The following CDH12 variants were observed in gnomAD, a reference collection of about 807,000 sequenced individuals.
CDH12 encodes cadherin-12.
In CDH12, 41 loss-of-function variants were observed where a neutral mutation model predicts 74.1. The ratio of observed to expected loss-of-function variants is 0.55; its 90% confidence interval spans 0.43 to 0.72. The LOEUF is 0.72. CDH12 is among the 30% of genes least tolerant of loss of function. The pLI is 0.00. For missense variants in CDH12, 945 were observed against 977.2 expected (o/e 0.97, Z 0.44); for synonymous variants, 399 against 355.0 (o/e 1.12, Z -1.39).
At chr5:21,949,449 C>CA (rs201292632) in intron 6 of CDH12, among the ~76,000 whole-genome samples, 7,660 of 83,432 alleles carry the variant, frequency 0.092, 298 homozygotes, top group Admixed American at 0.18. Flanking sequence ...GACTCTGTCT[C>CA]AAAAAAAAAA....
intron 3 of CDH12, among the ~76,000 whole-genome samples, chr5:22,229,627 C>T (rs1752316405): frequency 6.6e-6 from 1 of 152,064 alleles, no homozygotes; most frequent in Non-Finnish European, 1.5e-5. Flanking sequence ...TTCCCCTTAA[C>T]CTGTAAACTT....
chr5:22,409,400 A>G (rs557106363), intron 2 of CDH12, among the ~76,000 whole-genome samples: 180 of 152,076 alleles, frequency 1.2e-3, no homozygotes, highest in South Asian at 4.6e-3. Flanking sequence ...AGAGAAAGAT[A>G]CCCCATATTT....
chr5:22,723,953 C>G (rs1580928781), intron 1 of CDH12, among the ~76,000 whole-genome samples: 1 of 151,874 alleles, frequency 6.6e-6, no homozygotes, highest in Admixed American at 6.6e-5. Flanking sequence ...CTGCTGTCCT[C>G]TTAATTCTCT....
intron 4 of CDH12, among the ~76,000 whole-genome samples, chr5:22,153,413 C>A (rs1009255405): frequency 2.6e-5 from 4 of 151,866 alleles, no homozygotes; most frequent in African/African-American, 7.2e-5. Context: ...AGGGTCTTAA[C>A]CACATTGCTT....
chr5:22,660,706 C>T (rs538607114), intron 1 of CDH12, among the ~76,000 whole-genome samples: 1 of 152,302 alleles, frequency 6.6e-6, no homozygotes, highest in East Asian at 1.9e-4. Flanking sequence ...GCATGAGCCA[C>T]TGCCTGGCCC....
chr5:22,115,375 T>A (rs1745028109), intron 4 of CDH12, among the ~76,000 whole-genome samples: 1 of 152,180 alleles, frequency 6.6e-6, no homozygotes, highest in African/African-American at 2.4e-5. Context: ...AACACATATT[T>A]TATACTCAGC....
At chr5:22,514,527 A>G (rs115714919) in intron 1 of CDH12, among the ~76,000 whole-genome samples, 97 of 152,206 alleles carry the variant, frequency 6.4e-4, no homozygotes, top group African/African-American at 2.3e-3. Context: ...AAAAAAAAGT[A>G]TCTCCTAAAT....
chr5:22,133,193 T>C (rs1746271337), intron 4 of CDH12, among the ~76,000 whole-genome samples: 1 of 152,146 alleles, frequency 6.6e-6, no homozygotes, highest in African/African-American at 2.4e-5. Flanking sequence ...TGTTATTTAA[T>C]ATTTCTAGAG....
chr5:22,555,113 C>A (rs10941963), intron 1 of CDH12, among the ~76,000 whole-genome samples: 24,284 of 151,970 alleles, frequency 0.16, 2,512 homozygotes, highest in East Asian at 0.37. Flanking sequence ...CTTCTGAACG[C>A]ATAATATCAT....
intron 1 of CDH12, among the ~76,000 whole-genome samples, chr5:22,609,980 T>G (rs1240034642): frequency 1.3e-5 from 2 of 152,264 alleles, no homozygotes; most frequent in Admixed American, 1.3e-4. Context: ...GTTCCACCTG[T>G]GTTAGACATT....
intron 8 of CDH12, among the ~76,000 whole-genome samples, chr5:21,832,903 T>TGTA (rs1749136171): frequency 1.2e-5 from 1 of 80,190 alleles, no homozygotes; most frequent in Non-Finnish European, 2.0e-5. Flanking sequence ...TATCATATAA[T>TGTA]ATATGATATA....
rs373528570 is a variant in CDH12, at chr5:22,616,296, G to T, written c.-522-110932C>A. Among the ~76,000 whole-genome samples the T allele has an allele frequency of 2.6e-5, 4 of 151,928 alleles. No individual in the cohort carries two copies. The East Asian group carries it at 5.8e-4, about 22-fold the overall frequency. On this transcript the variant is annotated intron_variant, in intron 1 of 14. Coordinates refer to ENST00000382254, the MANE Select transcript of CDH12 (RefSeq NM_004061.5). ...TTTGAAGGAAGCATATATACAAATA[G>T]GTATGAGAAAAGCTATGAATTAGGT...
At chr5:22,111,429 A>G (rs1744810420) in intron 4 of CDH12, among the ~76,000 whole-genome samples, 1 of 152,210 alleles carries the variant, frequency 6.6e-6, no homozygotes, top group Admixed American at 6.6e-5. Flanking sequence ...GGCTCTGATC[A>G]TAAATCTAGG....
rs977741585 is a variant in CDH12, at chr5:21,750,960, T to C, written c.*777A>G. On this transcript the variant is annotated 3_prime_UTR_variant, in exon 15 of 15. Transcript: ENST00000382254. ...GAATATTTTTTCTTTTTTTTCTTTC[T>C]TTTTTTTTTGGAAAAGAAAGTAACA... The C allele has an allele frequency of 6.8e-6, 1 of 147,556 alleles. No homozygotes were observed. Among genetic ancestry groups the C allele is most frequent in the Non-Finnish European group, 1.5e-5 (1 of 66,872 alleles). The allele number at this position is 147,556 out of a possible 1,614,324, so 9.1% of individuals were successfully genotyped here.
chr5:22,663,102 A>T (rs925512262), intron 1 of CDH12, among the ~76,000 whole-genome samples: 4 of 152,216 alleles, frequency 2.6e-5, no homozygotes, highest in African/African-American at 9.6e-5. Flanking sequence ...TGTTTTATGC[A>T]AATATATGCT....
intron 4 of CDH12, among the ~76,000 whole-genome samples, chr5:22,146,338 A>G (rs1747175508): frequency 6.6e-6 from 1 of 152,118 alleles, no homozygotes. Flanking sequence ...CGGGGTCATG[A>G]AAACATTTTT....
chr5:22,595,048 T>G, intron 1 of CDH12, among the ~76,000 whole-genome samples: 1 of 152,196 alleles, frequency 6.6e-6, no homozygotes, highest in Admixed American at 6.5e-5. Flanking sequence ...TTTTAACTGA[T>G]GCTCAAACTC....
chr5:22,446,752 C>T (rs1744830186), intron 2 of CDH12, among the ~76,000 whole-genome samples: 1 of 152,014 alleles, frequency 6.6e-6, no homozygotes. Context: ...GCTTTTTGTA[C>T]TCAAGTTATG....
chr5:22,202,352 C>G (rs1048798941), intron 4 of CDH12, among the ~76,000 whole-genome samples: 22 of 151,914 alleles, frequency 1.4e-4, no homozygotes, highest in Non-Finnish European at 2.9e-4. Flanking sequence ...TTGAGATGAA[C>G]AATAAGGAGA....
Sources: gnomAD v4.1 joint callset for allele counts (sites outside exome capture counted in the v4.1 genomes callset) on GRCh38, gnomAD v4.1.1 for gene constraint, MANE v1.5 for transcripts, NCBI Gene and HGNC (gene_info 2026-07-23, HGNC 2026-07-21) for gene names.